The following CABLES1 variants were observed in gnomAD, a reference collection of about 807,000 sequenced individuals.
The protein encoded by CABLES1 is Cdk5 and Abl enzyme substrate 1.
Under a neutral mutation model 57.8 loss-of-function variants are expected in CABLES1, and 36 were observed. The observed-to-expected ratio is 0.62, with a 90% confidence interval of 0.48 to 0.82. CABLES1 has a LOEUF of 0.82. CABLES1 is among the 40% of genes least tolerant of loss of function. The probability of loss-of-function intolerance (pLI) is 0.00; values close to 1 mark genes in which losing one functional copy is unlikely to be tolerated. For missense variants in CABLES1, 767 were observed against 836.6 expected (o/e 0.92, Z 1.03); for synonymous variants, 374 against 363.0 (o/e 1.03, Z -0.35).
intron 1 of CABLES1, among the ~76,000 whole-genome samples, chr18:23,177,769 C>T (rs1010533258): frequency 1.3e-5 from 2 of 152,124 alleles, no homozygotes; most frequent in Admixed American, 1.3e-4. Flanking sequence ...CTCTTCTCCT[C>T]TCCCAATTAA....
intron 1 of CABLES1, among the ~76,000 whole-genome samples, chr18:23,172,041 C>T (rs951759110): frequency 2.0e-5 from 3 of 152,240 alleles, no homozygotes; most frequent in African/African-American, 7.2e-5. Context: ...CCACATCAGC[C>T]TCCTGAGTTG....
intron 4 of CABLES1, chr18:23,219,067 C>G (rs2047466427): frequency 2.4e-6 from 1 of 409,180 alleles, no homozygotes; most frequent in Non-Finnish European, 4.9e-6. Flanking sequence ...AAGTGCCTTG[C>G]CATACCAGCA....
At chr18:23,244,426 AACAAATGCAGCCCC>A (rs1324024175) in intron 7 of CABLES1, among the ~76,000 whole-genome samples, 8 of 152,250 alleles carry the variant, frequency 5.3e-5, no homozygotes, top group Non-Finnish European at 7.3e-5. Flanking sequence ...TAGAAATAGC[AACAAATGCAGCCCC>A]AGGCTGCGTA....
chr18:23,179,615 G>A (rs547847413), intron 1 of CABLES1, among the ~76,000 whole-genome samples: 1 of 152,374 alleles, frequency 6.6e-6, no homozygotes, highest in South Asian at 2.1e-4. Context: ...GTATGCCACT[G>A]TAGTGTCAGA....
intron 1 of CABLES1, among the ~76,000 whole-genome samples, chr18:23,187,388 T>C (rs7506813): frequency 6.6e-6 from 1 of 152,214 alleles, no homozygotes; most frequent in Non-Finnish European, 1.5e-5. Flanking sequence ...AAGGAGGCTG[T>C]ATGATGAGTA....
intron 3 of CABLES1, among the ~76,000 whole-genome samples, chr18:23,207,932 C>T (rs145850787): frequency 3.9e-5 from 6 of 152,250 alleles, no homozygotes; most frequent in Non-Finnish European, 7.4e-5. Context: ...TATTTGTGGG[C>T]TACTTAGCAC....
At chr18:23,215,850 T>C (rs1279037735) in intron 4 of CABLES1, among the ~76,000 whole-genome samples, 4 of 150,212 alleles carry the variant, frequency 2.7e-5, no homozygotes, top group South Asian at 2.1e-4. Context: ...GCCTCCCGGG[T>C]TCACGCCATT....
At chr18:23,183,663 T>C (rs1033834639) in intron 1 of CABLES1, among the ~76,000 whole-genome samples, 4 of 152,192 alleles carry the variant, frequency 2.6e-5, no homozygotes, top group Non-Finnish European at 5.9e-5. Flanking sequence ...ATGATGTCAG[T>C]GCATATTACT....
intron 1 of CABLES1, among the ~76,000 whole-genome samples, chr18:23,179,479 C>T (rs563571372): frequency 1.8e-4 from 28 of 152,290 alleles, no homozygotes; most frequent in East Asian, 9.6e-4. Flanking sequence ...AGTTGAGGCT[C>T]GGGGAGGAGG....
At chr18:23,161,142 A>C (rs1466851165) in intron 1 of CABLES1, among the ~76,000 whole-genome samples, 1 of 152,116 alleles carries the variant, frequency 6.6e-6, no homozygotes, top group Non-Finnish European at 1.5e-5. Flanking sequence ...CAGGAGTTTG[A>C]GGATGCAGTG....
intron 1 of CABLES1, among the ~76,000 whole-genome samples, chr18:23,163,541 G>T (rs1598806175): frequency 6.6e-6 from 1 of 152,140 alleles, no homozygotes; most frequent in African/African-American, 2.4e-5. Flanking sequence ...TGTCAGGGAA[G>T]CCTGGGGGGC....
At chr18:23,188,517 T>A (rs1347921778) in intron 1 of CABLES1, among the ~76,000 whole-genome samples, 1 of 148,682 alleles carries the variant, frequency 6.7e-6, no homozygotes, top group Non-Finnish European at 1.5e-5. Context: ...CAAGTTATCC[T>A]GTATATTACA....
intron 1 of CABLES1, among the ~76,000 whole-genome samples, chr18:23,158,568 A>G (rs1375646302): frequency 3.3e-5 from 5 of 152,156 alleles, no homozygotes; most frequent in South Asian, 2.1e-4. Context: ...AGTTCTTTTC[A>G]TCTGTTTAGG....
At chr18:23,185,276 T>A (rs188708758) in intron 1 of CABLES1, among the ~76,000 whole-genome samples, 113 of 151,706 alleles carry the variant, frequency 7.4e-4, no homozygotes, top group Non-Finnish European at 1.2e-3. Context: ...GTTGGAGGAG[T>A]CTGTGCTTCC....
chr18:23,221,678 C>T (rs2047488410), intron 4 of CABLES1, among the ~76,000 whole-genome samples: 1 of 152,222 alleles, frequency 6.6e-6, no homozygotes, highest in Non-Finnish European at 1.5e-5. Flanking sequence ...AAGTTCTGAT[C>T]TCCCCAGGTG....
In CABLES1 at chr18:23,252,945, C is replaced by T. The variant is rs1478498232; in HGVS notation, c.1447-15C>T. 6.5e-7 allele frequency: 1 copy of T among 1,539,552 alleles called. No homozygotes were observed. The highest frequency in any genetic ancestry group is 9.0e-7 in the Non-Finnish European group (1 of 1,112,238). The stretch of plus-strand genomic sequence containing the variant: ...TTGTTTTAAGGAGTGATCCGTGTTC[C>T]CCTGTCTGTTACAGACAACAGTGAT... On this transcript the variant is annotated splice_polypyrimidine_tract_variant and intron_variant, in intron 7 of 9. Transcript: ENST00000256925.
At chr18:23,157,444 G>C (rs1441637672) in intron 1 of CABLES1, among the ~76,000 whole-genome samples, 1 of 152,082 alleles carries the variant, frequency 6.6e-6, no homozygotes, top group Non-Finnish European at 1.5e-5. Context: ...ATACCCTTGA[G>C]GTGGGAAGGG....
intron 3 of CABLES1, among the ~76,000 whole-genome samples, chr18:23,203,485 T>C (rs1310249622): frequency 6.7e-6 from 1 of 150,370 alleles, no homozygotes; most frequent in Non-Finnish European, 1.5e-5. Context: ...AAGAAACACG[T>C]TAAAAGACTT....
At chr18:23,138,057 G>A (rs999240686) in intron 1 of CABLES1, among the ~76,000 whole-genome samples, 7 of 152,134 alleles carry the variant, frequency 4.6e-5, no homozygotes, top group African/African-American at 1.7e-4. Context: ...CTGGCTCATG[G>A]TGACTCCAGA....
Sources: gnomAD v4.1 joint callset for allele counts (sites outside exome capture counted in the v4.1 genomes callset) on GRCh38, gnomAD v4.1.1 for gene constraint, MANE v1.5 for transcripts, NCBI Gene and HGNC (gene_info 2026-07-23, HGNC 2026-07-21) for gene names.